Variants in FBN1 observed in about 807,000 individuals in gnomAD.
FBN1 encodes the protein fibrillin-1.
Under a neutral mutation model 365.1 loss-of-function variants are expected in FBN1, and 29 were observed. The ratio of observed to expected loss-of-function variants is 0.08; its 90% CI spans 0.06 to 0.11. The LOEUF (loss-of-function observed/expected upper bound fraction) is 0.11. FBN1 is among the 10% of genes least tolerant of loss of function. FBN1 has a pLI of 1.00. For missense variants in FBN1, 2,476 were observed against 3,703.2 expected (o/e 0.67, Z 8.60); for synonymous variants, 1,210 against 1,270.5 (o/e 0.95, Z 1.01).
At chr15:48,623,536 A>G (rs1475422324) in intron 2 of FBN1, among the ~76,000 whole-genome samples, 3 of 152,228 alleles carry the variant, frequency 2.0e-5, no homozygotes, top group Non-Finnish European at 2.9e-5. Flanking sequence ...TTGGCAAAAG[A>G]AGAAAAAAAA....
intron 64 of FBN1, 30 bp downstream of exon 64, chr15:48,415,506 C>G: frequency 6.6e-7 from 1 of 1,511,714 alleles, no homozygotes; most frequent in Non-Finnish European, 9.2e-7. Flanking sequence ...GAAAGAATCT[C>G]CAACCATGAC....
At chr15:48,554,677 C>T (rs933414844) in intron 6 of FBN1, among the ~76,000 whole-genome samples, 30 of 152,094 alleles carry the variant, frequency 2.0e-4, no homozygotes, top group African/African-American at 7.2e-4. Context: ...ACATACATGA[C>T]ATATACTCTG....
intron 32 of FBN1, chr15:48,476,887 C>G (rs900734666): frequency 4.6e-5 from 7 of 152,150 alleles, no homozygotes; most frequent in African/African-American, 1.7e-4. Context: ...CCTTGGCCTC[C>G]CAAAGTGTTG....
In FBN1 at chr15:48,410,489, G is replaced by T. The variant is rs140923867; in HGVS notation, c.*501C>A. The T allele has an allele frequency of 4.4e-5, 7 of 160,492 alleles. No individual in the cohort carries two copies. The highest frequency in any genetic ancestry group is 1.8e-4 in the Admixed American group (3 of 16,626). The allele number at this position is 160,492 out of a possible 1,614,324, so 9.9% of individuals were successfully genotyped here. A position where few individuals can be genotyped will look rare whatever the true frequency, so the allele number is the denominator to read the frequency against. On this transcript the variant is annotated 3_prime_UTR_variant, in exon 66 of 66. Transcript: ENST00000316623. Reference sequence around the variant, plus strand: ...GGTTGATTGAAATTAATGAAGTATTGGAACTGAATACTTGTAATTTGGTTT... The same window carrying T: ...GGTTGATTGAAATTAATGAAGTATTTGAACTGAATACTTGTAATTTGGTTT...
At chr15:48,518,111 G>C (rs905443519) in intron 10 of FBN1, among the ~76,000 whole-genome samples, 1 of 152,192 alleles carries the variant, frequency 6.6e-6, no homozygotes, top group Non-Finnish European at 1.5e-5. Flanking sequence ...AAATTACAGA[G>C]ATACTGACGT....
chr15:48,411,183 T>C lies in FBN1; in HGVS notation c.8423A>G (p.Gln2808Arg). 2 of 1,614,174 alleles carry C rather than the reference T, an allele frequency of 1.2e-6. No homozygotes were observed. The highest frequency in any genetic ancestry group is 1.6e-4 in the Middle Eastern group (1 of 6,062). ...GNEDGFFKIN[Q>R]KEGISYLHFT... ...GTGGAGGTAGCTGATCCCTTCCTTT[T>C]GGTTGATTTTAAAGAAGCCATCTTC... is the stretch of plus-strand genomic sequence containing the variant. Residue 2808 changes from glutamine (Q) to arginine (R), a missense_variant, in exon 66 of 66, where the codon CAA becomes CGA. Coordinates refer to ENST00000316623, the MANE Select transcript of FBN1 (RefSeq NM_000138.5).
intron 55 of FBN1, among the ~76,000 whole-genome samples, chr15:48,431,253 A>C (rs1457191171): frequency 6.6e-6 from 1 of 151,838 alleles, no homozygotes; most frequent in Admixed American, 6.6e-5. Flanking sequence ...ATGCACCACC[A>C]CGCCTGGCTA....
At chr15:48,446,883 T>G in intron 46 of FBN1, 61 bp from the exon 47 acceptor site, 116 of 1,149,956 alleles carry the variant, frequency 1.0e-4, no homozygotes, top group Non-Finnish European at 1.3e-4. Flanking sequence ...GTTACACGGT[T>G]ACAGTGGCTA....
intron 8 of FBN1, among the ~76,000 whole-genome samples, chr15:48,533,102 C>T (rs939564162): frequency 6.6e-6 from 1 of 152,152 alleles, no homozygotes. Flanking sequence ...TGGCAACTGA[C>T]AAGGTTAATT....
chr15:48,504,932 T>C (rs2043695295), intron 16 of FBN1, 93 bp downstream of exon 16: 2 of 1,516,998 alleles, frequency 1.3e-6, no homozygotes, highest in African/African-American at 1.4e-5. Context: ...TTATATCTTA[T>C]CTGCTACAGT....
intron 15 of FBN1, 55 bp downstream of exon 15, chr15:48,508,527 A>G (rs886133717): frequency 1.4e-5 from 23 of 1,611,430 alleles, no homozygotes; most frequent in Admixed American, 3.3e-5. Context: ...TCTAAACAAC[A>G]TAAGGAGGAG....
intron 38 of FBN1, among the ~76,000 whole-genome samples, chr15:48,466,841 A>G (rs977329154): frequency 1.3e-5 from 2 of 152,006 alleles, no homozygotes; most frequent in African/African-American, 4.8e-5. Flanking sequence ...GCAATCATCC[A>G]TACTTTTTGA....
intron 4 of FBN1, among the ~76,000 whole-genome samples, chr15:48,607,338 A>G (rs546505551): frequency 7.2e-6 from 1 of 138,570 alleles, no homozygotes; most frequent in Non-Finnish European, 1.5e-5. Context: ...ATATATAATT[A>G]GACAATTATA....
Position 48,584,819 on chromosome 15 carries a change from C to G in FBN1, c.538+11464G>C, listed in dbSNP as rs16961202. ...ACAATCTGAATTCTATTACATACTT[C>G]TTTCCAAAGCCAGTTTTATATCATT... On this transcript the variant is annotated intron_variant, in intron 6 of 65. Transcript: ENST00000316623. Among the ~76,000 whole-genome samples, 2,495 of 152,276 alleles carry G rather than the reference C, an allele frequency of 0.016. 200 individuals are homozygous for G. In the East Asian group the frequency reaches 0.23, roughly 14 times the overall value.
chr15:48,432,805 G>A, intron 55 of FBN1, 61 bp downstream of exon 55: 1 of 1,600,874 alleles, frequency 6.2e-7, no homozygotes, highest in Non-Finnish European at 8.6e-7. Context: ...AAGCTTTGAG[G>A]GACATCTCCC....
intron 6 of FBN1, among the ~76,000 whole-genome samples, chr15:48,544,466 A>G (rs774863324): frequency 3.9e-5 from 6 of 152,234 alleles, no homozygotes; most frequent in Non-Finnish European, 7.4e-5. Flanking sequence ...CCATTTCTAC[A>G]TTAGTATTTT....
intron 10 of FBN1, among the ~76,000 whole-genome samples, chr15:48,519,221 C>A (rs2043830360): frequency 6.6e-6 from 1 of 152,170 alleles, no homozygotes; most frequent in African/African-American, 2.4e-5. Flanking sequence ...TAAACTTCAT[C>A]TATGTATTTG....
chr15:48,628,602 T>C (rs1175487765), intron 2 of FBN1, among the ~76,000 whole-genome samples: 3 of 152,222 alleles, frequency 2.0e-5, no homozygotes, highest in Non-Finnish European at 2.9e-5. Flanking sequence ...TAGCTCATAA[T>C]AGCCTATCCT....
intron 6 of FBN1, among the ~76,000 whole-genome samples, chr15:48,538,040 C>T (rs140071952): frequency 2.0e-5 from 3 of 152,320 alleles, no homozygotes; most frequent in East Asian, 1.9e-4. Flanking sequence ...ACTTTGAAAA[C>T]GGCATTGTGA....
Sources: allele counts gnomAD v4.1 joint callset (sites outside exome capture counted in the v4.1 genomes callset), GRCh38; gene constraint gnomAD v4.1.1; transcripts MANE v1.5; gene names NCBI Gene and HGNC (gene_info 2026-07-23, HGNC 2026-07-21).